GRIP1: variants seen among roughly 807,000 people sequenced by gnomAD.
The protein encoded by GRIP1 is glutamate receptor interacting protein 1.
A neutral mutation model predicts 129.9 loss-of-function variants in GRIP1; 45 were observed. That is an observed-to-expected ratio of 0.35 (90% CI 0.27 to 0.44). GRIP1 has a LOEUF of 0.44. Among genes scored for constraint, GRIP1 ranks in the 20% least tolerant of loss-of-function variants. The pLI is 1.00. For missense variants in GRIP1, 1,196 were observed against 1,396.8 expected (o/e 0.86, Z 2.29); for synonymous variants, 530 against 520.8 (o/e 1.02, Z -0.24).
At chr12:66,846,524 G>A (rs1172387289) in intron 1 of GRIP1, among the ~76,000 whole-genome samples, 1 of 152,084 alleles carries the variant, frequency 6.6e-6, no homozygotes, top group Admixed American at 6.5e-5. Flanking sequence ...TAGGCTTTAC[G>A]ATTATTTAGG....
intron 11 of GRIP1, among the ~76,000 whole-genome samples, chr12:66,452,998 T>A (rs2058851261): frequency 6.6e-6 from 1 of 152,198 alleles, no homozygotes; most frequent in Non-Finnish European, 1.5e-5. Flanking sequence ...TTATAAACAT[T>A]CTGGTATGTT....
intron 1 of GRIP1, among the ~76,000 whole-genome samples, chr12:66,802,916 C>T (rs548413380): frequency 6.6e-6 from 1 of 152,100 alleles, no homozygotes; most frequent in African/African-American, 2.4e-5. Context: ...TCTAAAACCC[C>T]GAGGTTACTC....
At chr12:66,690,740 T>C (rs375725964) in intron 1 of GRIP1, among the ~76,000 whole-genome samples, 2 of 149,662 alleles carry the variant, frequency 1.3e-5, no homozygotes, top group African/African-American at 2.5e-5. Flanking sequence ...AAATTTTTTT[T>C]AATTTTTATT....
intron 1 of GRIP1, among the ~76,000 whole-genome samples, chr12:66,843,035 A>G (rs2039749251): frequency 6.6e-6 from 1 of 152,146 alleles, no homozygotes; most frequent in Admixed American, 6.5e-5. Flanking sequence ...TTAAACTAAA[A>G]TTGTCAAGAA....
chr12:66,541,853 T>A lies in GRIP1; in HGVS notation c.234A>T (p.Pro78=). 6.2e-7 allele frequency: 1 copy of A among 1,614,134 alleles called. No homozygotes were observed. The highest frequency in any genetic ancestry group is 8.5e-7 in the Non-Finnish European group (1 of 1,179,960). The part of the protein sequence containing the change: ...VSGGIDKDGK[P]RVSNLRQGGI... The stretch of plus-strand genomic sequence containing the variant: ...CTCCTTGCCGCAGATTAGATACTCT[T>A]GGCTTGCCATCCTTATCAATTCCTC... The change falls in exon 3 of 25, where the codon CCA becomes CCT. Residue 78 remains proline (P), a synonymous_variant. Coordinates refer to ENST00000359742, the MANE Select transcript of GRIP1 (RefSeq NM_001366722.1).
intron 7 of GRIP1, among the ~76,000 whole-genome samples, chr12:66,468,312 T>TA (rs1424198741): frequency 6.6e-6 from 1 of 152,208 alleles, no homozygotes; most frequent in Non-Finnish European, 1.5e-5. Flanking sequence ...AGCCATGAGA[T>TA]AGATGAAGCC....
At chr12:66,459,385 G>A (rs140406482) in intron 9 of GRIP1, among the ~76,000 whole-genome samples, 14 of 152,258 alleles carry the variant, frequency 9.2e-5, no homozygotes, top group Middle Eastern at 3.4e-3. Flanking sequence ...TACAACCACC[G>A]ACACTTTAGC....
At chr12:66,628,678 A>T (rs2030388631) in intron 1 of GRIP1, among the ~76,000 whole-genome samples, 1 of 152,234 alleles carries the variant, frequency 6.6e-6, no homozygotes, top group African/African-American at 2.4e-5. Context: ...CTTTCCTGAG[A>T]TTATGTGACA....
At chr12:66,551,252 C>A (rs1433064048) in intron 2 of GRIP1, among the ~76,000 whole-genome samples, 2 of 152,206 alleles carry the variant, frequency 1.3e-5, no homozygotes, top group Admixed American at 1.3e-4. Flanking sequence ...TTCTGCAATT[C>A]ACATTCTAAA....
chr12:66,959,896 A>G (rs182002415), intron 1 of GRIP1, among the ~76,000 whole-genome samples: 33 of 152,282 alleles, frequency 2.2e-4, no homozygotes, highest in Non-Finnish European at 4.0e-4. Flanking sequence ...CATCTTCATT[A>G]TAGTAGCATT....
intron 1 of GRIP1, among the ~76,000 whole-genome samples, chr12:66,952,677 A>G (rs1292804854): frequency 1.3e-5 from 2 of 152,198 alleles, no homozygotes; most frequent in African/African-American, 2.4e-5. Flanking sequence ...ACAAAACATG[A>G]TATTTCATCT....
intron 1 of GRIP1, among the ~76,000 whole-genome samples, chr12:66,954,439 T>A (rs1009226568): frequency 6.6e-6 from 1 of 152,214 alleles, no homozygotes; most frequent in Non-Finnish European, 1.5e-5. Flanking sequence ...AGGAGAAAGA[T>A]GAATGTCTGG....
chr12:66,979,961 G>A (rs993113861), intron 1 of GRIP1, among the ~76,000 whole-genome samples: 16 of 152,128 alleles, frequency 1.1e-4, no homozygotes, highest in Non-Finnish European at 2.2e-4. Context: ...TGAAGGAGAA[G>A]AAATGTCTGT....
chr12:66,539,151 G>T lies in GRIP1; in HGVS notation c.345C>A (p.Asp115Glu), dbSNP rs760613522. ...CATTCTTCAGCAAGCTGATGATCTC[G>T]TCATGGCGGAATTTGGCCAGGTTGA... ...NGINLAKFRH[D>E]EIISLLKNVG... Residue 115 changes from aspartate (D) to glutamate (E), a missense_variant, in exon 4 of 25, where the codon GAC (aspartate) becomes GAA (glutamate). This residue lies in a region of GRIP1 where 217 missense variants were observed against 224.8 expected (regional missense o/e 0.97). Coordinates refer to ENST00000359742, the MANE Select transcript of GRIP1 (RefSeq NM_001366722.1). 1 of 1,614,008 alleles carries T rather than the reference G, an allele frequency of 6.2e-7. No individual in the cohort carries two copies.
Position 67,038,148 on chromosome 12 carries a change from C to T in GRIP1, c.58+30902G>A, listed in dbSNP as rs1488025219. Among the ~76,000 whole-genome samples the T allele has an allele frequency of 3.9e-5, 6 of 152,136 alleles. No homozygotes were observed. In the East Asian group the frequency reaches 1.2e-3, roughly 29 times the overall value. On this transcript the variant is annotated intron_variant, in intron 1 of 1. Coordinates refer to the GRIP1 transcript ENST00000643019. ...CCAATGACTTTTAAAGCTTCCTATGCTGTTACTAAAAGCGGGGGACTTCCA... is the reference window on the plus strand; with the variant it reads ...CCAATGACTTTTAAAGCTTCCTATGTTGTTACTAAAAGCGGGGGACTTCCA...
At chr12:66,407,347 T>C (rs2137671041) in intron 15 of GRIP1, 1 of 152,184 alleles carries the variant, frequency 6.6e-6, no homozygotes, top group East Asian at 1.9e-4. Context: ...TTAACAACTA[T>C]CCATACAGAA....
chr12:66,576,624 T>C (rs2063147840), intron 2 of GRIP1, among the ~76,000 whole-genome samples: 1 of 152,212 alleles, frequency 6.6e-6, no homozygotes. Flanking sequence ...TGAGCCTTAA[T>C]TTCTTCCTCC....
chr12:66,652,104 T>C (rs1565942736), intron 1 of GRIP1, among the ~76,000 whole-genome samples: 1 of 152,168 alleles, frequency 6.6e-6, no homozygotes, highest in Non-Finnish European at 1.5e-5. Flanking sequence ...AAATTCTTAT[T>C]TCACTACATC....
chr12:66,582,481 T>A (rs1288241629), intron 2 of GRIP1, among the ~76,000 whole-genome samples: 2 of 149,040 alleles, frequency 1.3e-5, no homozygotes, highest in Non-Finnish European at 3.0e-5. Context: ...TGTTTGCAGA[T>A]GACATGATTG....
Sources: allele counts gnomAD v4.1 joint callset (sites outside exome capture counted in the v4.1 genomes callset), GRCh38; gene constraint gnomAD v4.1.1; regional missense constraint gnomAD v4.1.1; transcripts MANE v1.5; gene names NCBI Gene and HGNC (gene_info 2026-07-23, HGNC 2026-07-21).